Variants in GPR139 observed in about 807,000 individuals in gnomAD.
GPR139 encodes G protein-coupled receptor 139.
GPR139 carries 12 observed loss-of-function variants against 25.8 expected under a neutral mutation model. The ratio of observed to expected loss-of-function variants is 0.47; its 90% confidence interval spans 0.30 to 0.75. GPR139 has a LOEUF of 0.75. GPR139 is among the 30% of genes least tolerant of loss of function. The pLI, the probability that GPR139 is intolerant of heterozygous loss-of-function variation, is 0.07. For synonymous variants in GPR139, 184 were observed against 179.9 expected, an observed-to-expected ratio of 1.02 and a Z score of -0.18; for missense variants, 380 against 450.2, an observed-to-expected ratio of 0.84 and a Z score of 1.41.
rs191913118 is a variant in GPR139, at chr16:20,072,688, G to A, written c.127+802C>T. 1.7e-4 allele frequency among the ~76,000 whole-genome samples: 26 copies of A among 152,292 alleles called. No homozygotes were observed. The East Asian group carries it at 4.1e-3, about 24-fold the overall frequency. ...AGCTCTCTTCAGGAATTCAGGACAA[G>A]TCTCAGCCACACTTTGGAAAGGACA... On this transcript the variant is annotated intron_variant, in intron 1 of 1. Transcript: ENST00000570682.
At chr16:20,045,909 T>A (rs565095704) in intron 1 of GPR139, among the ~76,000 whole-genome samples, 7 of 152,178 alleles carry the variant, frequency 4.6e-5, no homozygotes, top group Admixed American at 4.6e-4. Flanking sequence ...TATTTGTTTT[T>A]GCTGTTTTGT....
intron 1 of GPR139, among the ~76,000 whole-genome samples, chr16:20,061,444 C>T (rs898276379): frequency 6.6e-6 from 1 of 151,870 alleles, no homozygotes; most frequent in Non-Finnish European, 1.5e-5. Context: ...GATGTGTGGG[C>T]GGATGTATGT....
Position 20,044,440 on chromosome 16 carries a change from G to T in GPR139, c.128-11771C>A, listed in dbSNP as rs1037642599. Reference sequence around the variant, plus strand: ...CAGTTTCCATATCTGTAAAATGAGTGAGTTCATAATAGGCAATAATAATGA... The same window carrying T: ...CAGTTTCCATATCTGTAAAATGAGTTAGTTCATAATAGGCAATAATAATGA... On this transcript the variant is annotated intron_variant, in intron 1 of 1. Transcript: ENST00000570682. Among the ~76,000 whole-genome samples, 6 of 152,294 alleles carry T rather than the reference G, an allele frequency of 3.9e-5. 1 individual carries two copies. The South Asian group carries it at 1.2e-3, about 32-fold the overall frequency.
intron 1 of GPR139, among the ~76,000 whole-genome samples, chr16:20,040,045 A>G (rs2057324645): frequency 6.6e-6 from 1 of 152,206 alleles, no homozygotes; most frequent in Admixed American, 6.5e-5. Context: ...GGCACATGCC[A>G]CTTAGGCCAT....
intron 1 of GPR139, among the ~76,000 whole-genome samples, chr16:20,054,790 C>T (rs1056320559): frequency 8.5e-5 from 13 of 152,050 alleles, no homozygotes; most frequent in East Asian, 5.8e-4. Flanking sequence ...TGCAGTAGTG[C>T]GATCTTGGCT....
intron 1 of GPR139, among the ~76,000 whole-genome samples, chr16:20,057,255 C>G (rs529320078): frequency 2.3e-4 from 35 of 152,264 alleles, no homozygotes; most frequent in Non-Finnish European, 3.8e-4. Flanking sequence ...CTTCTCGAAG[C>G]CTTAGTTTCC....
At chr16:20,069,631 G>A (rs1886707) in intron 1 of GPR139, among the ~76,000 whole-genome samples, 3,723 of 152,200 alleles carry the variant, frequency 0.024, 137 homozygotes, top group African/African-American at 0.081. Context: ...TCTGCTGGGC[G>A]GCATGCAGTT....
In GPR139 at chr16:20,032,337, T is replaced by C; in HGVS notation, c.460A>G (p.Ile154Val). The part of the protein sequence containing the change: ...RTRKVIVSVY[I>V]TCFLTSIPYY... The stretch of plus-strand genomic sequence containing the variant: ...GGGATGCTGGTCAGGAAGCAGGTGA[T>C]GTAAACACTTACAATGACTTTCCGG... Residue 154 changes from isoleucine (I) to valine (V), a missense_variant, in exon 2 of 2, where the codon ATC becomes GTC. Transcript: ENST00000570682. 2 of 1,614,222 alleles carry C rather than the reference T, an allele frequency of 1.2e-6. No individual in the cohort carries two copies. Among genetic ancestry groups the C allele is most frequent in the African/African-American group, 1.3e-5 (1 of 75,058 alleles).
chr16:20,035,399 C>T (rs1164844693), intron 1 of GPR139, among the ~76,000 whole-genome samples: 1 of 152,238 alleles, frequency 6.6e-6, no homozygotes, highest in African/African-American at 2.4e-5. Context: ...ATTTAAGTCA[C>T]TGCTTCAGAA....
intron 1 of GPR139, among the ~76,000 whole-genome samples, chr16:20,064,692 A>T (rs1395889039): frequency 6.6e-6 from 1 of 152,206 alleles, no homozygotes; most frequent in African/African-American, 2.4e-5. Flanking sequence ...TGAAAAAGGG[A>T]TTCTTATACC....
intron 1 of GPR139, among the ~76,000 whole-genome samples, chr16:20,060,949 G>C (rs1015231536): frequency 3.9e-5 from 6 of 151,964 alleles, no homozygotes; most frequent in Admixed American, 2.0e-4. Context: ...CTCTTGTCTG[G>C]GTCAATTTCT....
chr16:20,057,359 G>A (rs1390620068), intron 1 of GPR139, among the ~76,000 whole-genome samples: 1 of 152,172 alleles, frequency 6.6e-6, no homozygotes, highest in Non-Finnish European at 1.5e-5. Context: ...TTGGTCTAGT[G>A]CTTGGCTCAG....
intron 1 of GPR139, among the ~76,000 whole-genome samples, chr16:20,057,248 C>T (rs1318905155): frequency 6.6e-6 from 1 of 152,146 alleles, no homozygotes; most frequent in Non-Finnish European, 1.5e-5. Flanking sequence ...CACTTTACTT[C>T]TCGAAGCCTT....
rs2057283942 is a variant in GPR139, at chr16:20,030,529, A to G, written c.*1206T>C. ...TGCCTTGGACAGGCAAGGGTAGAAT[A>G]AATAAACACACTTATATTTTATCAT... On this transcript the variant is annotated 3_prime_UTR_variant, in exon 2 of 2. Coordinates refer to ENST00000570682, the MANE Select transcript of GPR139 (RefSeq NM_001002911.4). 6.6e-6 allele frequency among the ~76,000 whole-genome samples: 1 copy of G among 152,242 alleles called. No individual in the cohort carries two copies. The highest frequency in any genetic ancestry group is 6.5e-5 in the Admixed American group (1 of 15,292).
In GPR139 at chr16:20,032,410, A is replaced by T; in HGVS notation, c.387T>A (p.Ala129=). 1 of 1,614,198 alleles carries T rather than the reference A, an allele frequency of 6.2e-7. No homozygotes were observed. Among genetic ancestry groups the T allele is most frequent in the Non-Finnish European group, 8.5e-7 (1 of 1,180,024 alleles). ...TGTGGTACTTGAGCGGGTGGCAGAC[A>T]GCGATATACCTGTCAATGGTTAACG... The part of the protein sequence containing the change: ...TVPLTIDRYI[A]VCHPLKYHTV... The change falls in exon 2 of 2, where the codon GCT becomes GCA. Residue 129 remains alanine (A), a synonymous_variant. Coordinates refer to ENST00000570682, the MANE Select transcript of GPR139 (RefSeq NM_001002911.4).
chr16:20,066,393 T>C (rs2057434161), intron 1 of GPR139, among the ~76,000 whole-genome samples: 1 of 152,266 alleles, frequency 6.6e-6, no homozygotes. Flanking sequence ...ATATTATTTC[T>C]AGGAGTTTCA....
In GPR139 at chr16:20,031,813, C is replaced by T. The variant is rs775152004; in HGVS notation, c.984G>A (p.Ser328=). 1.9e-5 allele frequency: 30 copies of T among 1,614,040 alleles called. No individual in the cohort carries two copies. The Admixed American group carries it at 2.2e-4, about 12-fold the overall frequency. The change falls in exon 2 of 2, where the codon TCG becomes TCA. Residue 328 remains serine, a synonymous_variant. Coordinates refer to ENST00000570682, the MANE Select transcript of GPR139 (RefSeq NM_001002911.4). ...NFSITSSPWI[S]PANSHCIKML... The stretch of plus-strand genomic sequence containing the variant: ...TCTTGATGCAGTGTGAGTTTGCCGG[C>T]GAGATCCAGGGGCTACTTGTTATGG...
chr16:20,038,327 A>ATGTGTGTG (rs1183749066), intron 1 of GPR139, among the ~76,000 whole-genome samples: 11 of 81,492 alleles, frequency 1.3e-4, no homozygotes, highest in African/African-American at 4.8e-4. Flanking sequence ...GATAATATAT[A>ATGTGTGTG]TATGTGTGTG....
rs761891470 is a variant in GPR139 at position 20,028,643 on chromosome 16, G to A, written c.*3092C>T. 2.6e-5 allele frequency among the ~76,000 whole-genome samples: 4 copies of A among 152,106 alleles called. No individual in the cohort carries two copies. Among genetic ancestry groups the A allele is most frequent in the Non-Finnish European group, 4.4e-5 (3 of 68,018 alleles). ...ATAGCAGGGTGTTTGCAACACACAA[G>A]TTCGTGCCCACTCCGGTCTGTCTTT... is the stretch of plus-strand genomic sequence containing the variant. On this transcript the variant is annotated 3_prime_UTR_variant, in exon 2 of 2. Transcript: ENST00000570682.
Sources: gnomAD v4.1 joint callset for allele counts (sites outside exome capture counted in the v4.1 genomes callset) on GRCh38, gnomAD v4.1.1 for gene constraint, MANE v1.5 for transcripts, NCBI Gene and HGNC (gene_info 2026-07-23, HGNC 2026-07-21) for gene names.